The following PARK7 variants were observed in gnomAD, a reference collection of about 807,000 sequenced individuals.
PARK7 encodes the protein Parkinson disease protein 7.
A neutral mutation model predicts 20.5 loss-of-function variants in PARK7; 14 were observed. That is an observed-to-expected ratio of 0.68 (90% CI 0.45 to 1.07). PARK7 has a LOEUF of 1.07. PARK7 is among the 50% of genes least tolerant of loss of function. The probability of loss-of-function intolerance (pLI) is 0.00; values close to 1 mark genes in which losing one functional copy is unlikely to be tolerated. For missense variants in PARK7, 234 were observed against 238.1 expected (o/e 0.98, Z 0.11); for synonymous variants, 98 against 84.3 (o/e 1.16, Z -0.89).
chr1:7,965,869 G>T (rs1288780758), intron 3 of PARK7, among the ~76,000 whole-genome samples: 2 of 152,066 alleles, frequency 1.3e-5, no homozygotes, highest in East Asian at 3.9e-4. Context: ...GAGTCCAGTG[G>T]TGCAGTCACA....
At chr1:7,973,007 G>C (rs942779246) in intron 5 of PARK7, among the ~76,000 whole-genome samples, 2 of 151,946 alleles carry the variant, frequency 1.3e-5, no homozygotes, top group Non-Finnish European at 2.9e-5. Context: ...CCGCGATTAC[G>C]CCACTGCACT....
In PARK7 at chr1:7,984,344, A is replaced by G. The variant is rs552887647; in HGVS notation, c.410-550A>G. 6.6e-6 allele frequency among the ~76,000 whole-genome samples: 1 copy of G among 152,310 alleles called. No homozygotes were observed. The highest frequency in any genetic ancestry group is 2.4e-5 in the African/African-American group (1 of 41,554). On this transcript the variant is annotated intron_variant, in intron 6 of 6. Coordinates refer to ENST00000338639, the MANE Select transcript of PARK7 (RefSeq NM_007262.5). The surrounding 1 kb of genome is among the most constrained non-coding windows in gnomAD (Gnocchi z 4.3). ...TATTATATTTGCCAAGAAATAGCCA[A>G]CCGGCGGGCCTGGAGGTGCGGGGAT...
At chr1:7,972,290 C>G (rs1044372484) in intron 5 of PARK7, among the ~76,000 whole-genome samples, 26 of 152,004 alleles carry the variant, frequency 1.7e-4, no homozygotes, top group African/African-American at 6.0e-4. Context: ...TAGCCAGACC[C>G]CCATCTCAAC....
Position 7,972,737 on chromosome 1 carries a change from C to G in PARK7, c.322+1774C>G, listed in dbSNP as rs188446216. Among the ~76,000 whole-genome samples, 446 of 152,068 alleles carry G rather than the reference C, an allele frequency of 2.9e-3. 2 individuals carry two copies. The highest frequency in any genetic ancestry group is 5.1e-3 in the Non-Finnish European group (347 of 67,970). Reference sequence around the variant, plus strand: ...TGGCAAACGTGGTGAAATCCCGTTTCTACTAAAAATACAAAAGTTAGCTGG... The same window carrying G: ...TGGCAAACGTGGTGAAATCCCGTTTGTACTAAAAATACAAAAGTTAGCTGG... On this transcript the variant is annotated intron_variant, in intron 5 of 6. Coordinates refer to ENST00000338639, the MANE Select transcript of PARK7 (RefSeq NM_007262.5).
intron 3 of PARK7, 98 bp downstream of exon 3, chr1:7,965,523 A>G: frequency 9.0e-7 from 1 of 1,110,408 alleles, no homozygotes; most frequent in Non-Finnish European, 1.4e-6. Context: ...TTAGAAAATT[A>G]TTTTGCTTGA....
At position 7,962,745 on chromosome 1, in the gene PARK7, T is replaced by C; in HGVS notation, c.-23-18T>C. The C allele has an allele frequency of 6.8e-7, 1 of 1,461,150 alleles. No homozygotes were observed. The highest frequency in any genetic ancestry group is 9.2e-7 in the Non-Finnish European group (1 of 1,083,690). The allele number at this position is 1,461,150 out of a possible 1,614,324, so 90.5% of individuals were successfully genotyped here. A position where few individuals can be genotyped will look rare whatever the true frequency, so the allele number is the denominator to read the frequency against. The stretch of plus-strand genomic sequence containing the variant: ...CAATGAAAGTTTTTTGAAATCTTTT[T>C]TTTTTTTTTTTTTTAAGGCTTGTAA... On this transcript the variant is annotated intron_variant, in intron 1 of 6. Transcript: ENST00000338639.
intron 4 of PARK7, among the ~76,000 whole-genome samples, 180 bp downstream of exon 4, chr1:7,969,584 C>CTTTT (rs35540656): frequency 6.8e-6 from 1 of 146,102 alleles, no homozygotes; most frequent in Non-Finnish European, 1.5e-5. Context: ...TTAACTCAAA[C>CTTTT]TTTTTTTTTT....
chr1:7,969,504 C>G, intron 4 of PARK7, 100 bp downstream of exon 4: 1 of 869,398 alleles, frequency 1.2e-6, no homozygotes, highest in Admixed American at 2.3e-5. Flanking sequence ...TGTTATTATT[C>G]AAATATTTCG....
chr1:7,971,176 T>A (rs948597705), intron 5 of PARK7: 1 of 620,640 alleles, frequency 1.6e-6, no homozygotes, highest in African/African-American at 1.8e-5. Flanking sequence ...GTCTACATGC[T>A]GTGAAACTTA....
At chr1:7,969,965 G>A (rs1640428497) in intron 4 of PARK7, among the ~76,000 whole-genome samples, 2 of 152,196 alleles carry the variant, frequency 1.3e-5, no homozygotes, top group Admixed American at 1.3e-4. Flanking sequence ...GCTGAGACAG[G>A]AGGATTGCTT....
chr1:7,977,172 T>G (rs1240291742), intron 5 of PARK7, among the ~76,000 whole-genome samples: 11 of 152,132 alleles, frequency 7.2e-5, no homozygotes, highest in Admixed American at 6.6e-4. Context: ...ATCCTCCCCC[T>G]CCTTTGGACT....
intron 5 of PARK7, among the ~76,000 whole-genome samples, chr1:7,974,394 C>T (rs757156764): frequency 1.3e-5 from 2 of 151,958 alleles, no homozygotes; most frequent in African/African-American, 2.4e-5. Flanking sequence ...CTTTGGGAGG[C>T]CGAGGCGTGC....
Position 7,984,790 on chromosome 1 carries a change from AG to A in PARK7, c.410-103del, listed in dbSNP as rs1640784023. ...TAAATGTTTTTGAATGGTTAGCTAC[AG>A]TGTTGGGTTTATATGCTGTAATAGT... On this transcript the variant is annotated intron_variant, in intron 6 of 6. Transcript: ENST00000338639. This position sits in a 1 kb window ranked among gnomAD's most constrained non-coding sequence, Gnocchi z 4.3. The A allele has an allele frequency of 1.5e-6, 2 of 1,358,286 alleles. No individual in the cohort carries two copies. Among genetic ancestry groups the A allele is most frequent in the African/African-American group, 2.9e-5 (2 of 70,046 alleles). The allele number at this position is 1,358,286 out of a possible 1,614,324, so 84.1% of individuals were successfully genotyped here. A position where few individuals can be genotyped will look rare whatever the true frequency, so the allele number is the denominator to read the frequency against.
chr1:7,977,614 C>T (rs550777371), intron 5 of PARK7, 38 bp from the exon 6 acceptor site: 2 of 1,573,956 alleles, frequency 1.3e-6, no homozygotes, highest in East Asian at 2.2e-5. Flanking sequence ...ATGGGCTTTT[C>T]TATATCTGCA....
At chr1:7,962,511 A>C (rs924978042) in intron 1 of PARK7, among the ~76,000 whole-genome samples, 1 of 152,222 alleles carries the variant, frequency 6.6e-6, no homozygotes, top group South Asian at 2.1e-4. Context: ...AGAACATGGT[A>C]GAAGAAAATC....
chr1:7,984,886 C>T lies in PARK7; in HGVS notation c.410-8C>T. 3 of 1,614,084 alleles carry T rather than the reference C, an allele frequency of 1.9e-6. No homozygotes were observed. The highest frequency in any genetic ancestry group is 2.5e-6 in the Non-Finnish European group (3 of 1,179,962). ...TAGGATGTCACCTTTTCTGTTTCTA[C>T]TTTGCAGGTCATTACACCTACTCTG... On this transcript the variant is annotated splice_polypyrimidine_tract_variant and splice_region_variant and intron_variant, in intron 6 of 6. Coordinates refer to ENST00000338639, the MANE Select transcript of PARK7 (RefSeq NM_007262.5). This position sits in a 1 kb window ranked among gnomAD's most constrained non-coding sequence, Gnocchi z 4.3.
At chr1:7,974,850 C>CTTTTT (rs547673963) in intron 5 of PARK7, among the ~76,000 whole-genome samples, 3 of 125,608 alleles carry the variant, frequency 2.4e-5, no homozygotes, top group Non-Finnish European at 5.1e-5. Context: ...AAATAAGATT[C>CTTTTT]TTTTTTTTTT....
At chr1:7,965,501 C>T in intron 3 of PARK7, 76 bp downstream of exon 3, 6 of 1,317,784 alleles carry the variant, frequency 4.6e-6, no homozygotes, top group Non-Finnish European at 6.6e-6. Flanking sequence ...GTGTTGTTAG[C>T]ACAGACTCAT....
At chr1:7,968,275 C>A (rs1224919527) in intron 3 of PARK7, among the ~76,000 whole-genome samples, 1 of 139,030 alleles carries the variant, frequency 7.2e-6, no homozygotes, top group East Asian at 2.1e-4. Flanking sequence ...TGCACTCTAA[C>A]CTGGGTGACA....
Sources: gnomAD v4.1 joint callset for allele counts (sites outside exome capture counted in the v4.1 genomes callset) on GRCh38, gnomAD v4.1.1 for gene constraint, Gnocchi (gnomAD v3.1) non-coding constraint, MANE v1.5 for transcripts, NCBI Gene and HGNC (gene_info 2026-07-23, HGNC 2026-07-21) for gene names.